Variants in BCAS3 observed in about 807,000 individuals in gnomAD.
BCAS3 encodes the protein BCAS3 microtubule associated cell migration factor, also known as BCAS4/BCAS3 fusion.
BCAS3 carries 53 observed loss-of-function variants against 116.1 expected under a neutral mutation model. The ratio of observed to expected loss-of-function variants is 0.46; its 90% CI spans 0.37 to 0.57. BCAS3 has a LOEUF of 0.57. Among genes scored for constraint, BCAS3 ranks in the 20% least tolerant of loss-of-function variants. The pLI is 0.00. For synonymous variants in BCAS3, 391 were observed against 408.2 expected (o/e 0.96, Z 0.51); for missense variants, 917 against 1,165.4 (o/e 0.79, Z 3.10).
At chr17:61,193,913 T>TG (rs1419568653) in intron 22 of BCAS3, among the ~76,000 whole-genome samples, 1 of 151,734 alleles carries the variant, frequency 6.6e-6, no homozygotes, top group Non-Finnish European at 1.5e-5. Flanking sequence ...GGTCAGGAGT[T>TG]GGAGACCAGC....
chr17:60,989,246 T>C (rs1242705953), intron 14 of BCAS3, among the ~76,000 whole-genome samples: 1 of 152,192 alleles, frequency 6.6e-6, no homozygotes, highest in African/African-American at 2.4e-5. Flanking sequence ...AAAATGCTTA[T>C]AACAGTATCA....
intron 5 of BCAS3, among the ~76,000 whole-genome samples, chr17:60,724,578 A>T (rs1346746798): frequency 6.6e-6 from 1 of 151,666 alleles, no homozygotes; most frequent in Non-Finnish European, 1.5e-5. Flanking sequence ...TACAAAAATT[A>T]GCCGGGTGTG....
At position 61,387,053 on chromosome 17, in the gene BCAS3, G is replaced by A. The variant is rs978001076; in HGVS notation, c.2594-4924G>A. Among the ~76,000 whole-genome samples the A allele has an allele frequency of 6.6e-6, 1 of 152,222 alleles. No homozygotes were observed. The highest frequency in any genetic ancestry group is 2.4e-5 in the African/African-American group (1 of 41,454). On this transcript the variant is annotated intron_variant, in intron 23 of 23. Transcript: ENST00000407086. The surrounding 1 kb of genome is among the most constrained non-coding windows in gnomAD (Gnocchi z 6.2). The stretch of plus-strand genomic sequence containing the variant: ...CTTCCCAAAGTGTGGGATTACAGGT[G>A]TGAGCCACTGCACCTGGCCCGACTT...
intron 13 of BCAS3, among the ~76,000 whole-genome samples, chr17:60,936,990 T>C (rs2059966000): frequency 1.3e-5 from 2 of 152,188 alleles, no homozygotes; most frequent in Non-Finnish European, 2.9e-5. Context: ...TTTATGGTTT[T>C]AGGTCTAACA....
chr17:60,759,732 G>A (rs913031013), intron 6 of BCAS3, among the ~76,000 whole-genome samples: 2 of 151,172 alleles, frequency 1.3e-5, no homozygotes, highest in Non-Finnish European at 1.5e-5. Context: ...AGGTGTGATT[G>A]TAGCTCACTG....
At chr17:61,176,156 A>AAAAAAG (rs1306383121) in intron 22 of BCAS3, among the ~76,000 whole-genome samples, 6 of 149,806 alleles carry the variant, frequency 4.0e-5, no homozygotes, top group Admixed American at 1.3e-4. Context: ...AAAAAAAAAA[A>AAAAAAG]AAAAAGAAAA....
rs1447267959 is a variant in BCAS3 at position 61,278,767 on chromosome 17, G to GA, written c.2426-89556dup. Among the ~76,000 whole-genome samples, 2 of 152,164 alleles carry GA rather than the reference G, an allele frequency of 1.3e-5. No homozygotes were observed. Among genetic ancestry groups the GA allele is most frequent in the Admixed American group, 1.3e-4 (2 of 15,268 alleles). ...CACTTATATGACATGTCCAGAATAGGAAAATCTATAGAGACAGAAAGTAGA... is the reference window on the plus strand; with the variant it reads ...CACTTATATGACATGTCCAGAATAGGAAAAATCTATAGAGACAGAAAGTAGA... On this transcript the variant is annotated intron_variant, in intron 22 of 23. Transcript: ENST00000407086. This position sits in a 1 kb window ranked among gnomAD's most constrained non-coding sequence, Gnocchi z 5.8.
Position 61,240,944 on chromosome 17 carries a change from A to G in BCAS3, c.2426-127383A>G, listed in dbSNP as rs528247335. ...ATGAAATCAAAGACAAAAATAGTTT[A>G]GGCTTTTGATTAGATTTCAATATGC... On this transcript the variant is annotated intron_variant, in intron 22 of 23. Coordinates refer to ENST00000407086, the MANE Select transcript of BCAS3 (RefSeq NM_017679.5). Among the ~76,000 whole-genome samples, 3 of 152,368 alleles carry G rather than the reference A, an allele frequency of 2.0e-5. No homozygotes were observed. The South Asian group carries it at 6.2e-4, about 32-fold the overall frequency.
chr17:60,814,627 A>G (rs966174984), intron 7 of BCAS3, among the ~76,000 whole-genome samples: 4 of 152,128 alleles, frequency 2.6e-5, no homozygotes, highest in Non-Finnish European at 5.9e-5. Context: ...GTATATTTTG[A>G]TGCAGTGTTT....
chr17:60,994,209 A>G lies in BCAS3; in HGVS notation c.1486+3974A>G, dbSNP rs1308934666. ...CTTGAAGTATCTTGCATTATTGAAT[A>G]TATTTTAAAATATTGTTTTTACTCA... On this transcript the variant is annotated intron_variant, in intron 15 of 23. Transcript: ENST00000407086. This position sits in a 1 kb window ranked among gnomAD's most constrained non-coding sequence, Gnocchi z 4.4. Among the ~76,000 whole-genome samples, 1 of 152,044 alleles carries G rather than the reference A, an allele frequency of 6.6e-6. No individual in the cohort carries two copies. The highest frequency in any genetic ancestry group is 6.6e-5 in the Admixed American group (1 of 15,266).
At chr17:61,060,958 A>G (rs977972034) in intron 19 of BCAS3, among the ~76,000 whole-genome samples, 2 of 152,204 alleles carry the variant, frequency 1.3e-5, no homozygotes, top group African/African-American at 4.8e-5. Context: ...TCAAGCCTGG[A>G]AAATGCTCTT....
At chr17:61,047,858 A>G (rs967645380) in intron 19 of BCAS3, among the ~76,000 whole-genome samples, 19 of 152,052 alleles carry the variant, frequency 1.2e-4, no homozygotes, top group African/African-American at 4.6e-4. Context: ...TTTGGCAGCA[A>G]CAGTGTTTTT....
At chr17:60,716,988 G>T (rs1394328203) in intron 5 of BCAS3, among the ~76,000 whole-genome samples, 3 of 152,152 alleles carry the variant, frequency 2.0e-5, no homozygotes, top group African/African-American at 4.8e-5. Flanking sequence ...AGGTGGGGAA[G>T]ATAGATAATA....
chr17:61,116,217 T>A (rs1200131371), intron 22 of BCAS3, among the ~76,000 whole-genome samples: 3 of 151,694 alleles, frequency 2.0e-5, no homozygotes, highest in Non-Finnish European at 4.4e-5. Context: ...AATGTGCGCA[T>A]GTACCCTAAA....
rs1161686710 is a variant in BCAS3, at chr17:60,880,547, G to A, written c.661+5809G>A. On this transcript the variant is annotated intron_variant, in intron 9 of 23. Transcript: ENST00000407086. ...TCATGATCCGTCCTCCTTGGCCTCCGAAAGTCCTGGGATTACAGGCGTGAG... is the reference window on the plus strand; with the variant it reads ...TCATGATCCGTCCTCCTTGGCCTCCAAAAGTCCTGGGATTACAGGCGTGAG... Among the ~76,000 whole-genome samples the A allele has an allele frequency of 3.9e-5, 6 of 152,080 alleles. No homozygotes were observed. The East Asian group carries it at 5.8e-4, about 15-fold the overall frequency.
At chr17:60,854,243 G>A (rs1846253454) in intron 7 of BCAS3, among the ~76,000 whole-genome samples, 1 of 152,082 alleles carries the variant, frequency 6.6e-6, no homozygotes, top group Admixed American at 6.5e-5. Context: ...CTTTTTTATG[G>A]CTGCATAGTA....
intron 19 of BCAS3, among the ~76,000 whole-genome samples, chr17:61,070,818 T>C (rs548861920): frequency 2.0e-5 from 3 of 152,302 alleles, no homozygotes; most frequent in African/African-American, 7.2e-5. Flanking sequence ...ATATGTAGAC[T>C]GACTAAAATC....
intron 22 of BCAS3, among the ~76,000 whole-genome samples, chr17:61,314,729 C>T (rs1447215574): frequency 6.6e-6 from 1 of 152,224 alleles, no homozygotes; most frequent in Non-Finnish European, 1.5e-5. Context: ...AATCAAAACA[C>T]AGGTCTTATC....
chr17:60,958,428 T>G (rs868863368), intron 14 of BCAS3, among the ~76,000 whole-genome samples: 29 of 152,332 alleles, frequency 1.9e-4, no homozygotes, highest in African/African-American at 7.0e-4. Context: ...ATCAGTTGCA[T>G]TTCTATATAC....
Sources: gnomAD v4.1 joint callset for allele counts (sites outside exome capture counted in the v4.1 genomes callset) on GRCh38, gnomAD v4.1.1 for gene constraint, Gnocchi (gnomAD v3.1) non-coding constraint, MANE v1.5 for transcripts, NCBI Gene and HGNC (gene_info 2026-07-23, HGNC 2026-07-21) for gene names.